Variants in MACROD2 observed in about 807,000 individuals in gnomAD.
MACROD2 encodes ADP-ribose glycohydrolase MACROD2.
A neutral mutation model predicts 70.4 loss-of-function variants in MACROD2; 36 were observed. That is an observed-to-expected ratio of 0.51 (90% CI 0.39 to 0.68). The LOEUF (loss-of-function observed/expected upper bound fraction) is 0.68, where lower values mean the gene tolerates loss of function less well. Among genes scored for constraint, MACROD2 ranks in the 30% least tolerant of loss-of-function variants. The probability of loss-of-function intolerance (pLI) is 0.00; values close to 1 mark genes in which losing one functional copy is unlikely to be tolerated. For missense variants in MACROD2, 496 were observed against 538.4 expected (o/e 0.92, Z 0.78); for synonymous variants, 172 against 178.8 (o/e 0.96, Z 0.30).
intron 6 of MACROD2, among the ~76,000 whole-genome samples, chr20:15,358,947 G>A (rs1296469775): frequency 6.6e-6 from 1 of 152,050 alleles, no homozygotes; most frequent in Admixed American, 6.6e-5. Flanking sequence ...TATGAATTTT[G>A]GGGTGACACA....
At chr20:15,587,252 C>T (rs2048615412) in intron 8 of MACROD2, among the ~76,000 whole-genome samples, 1 of 152,164 alleles carries the variant, frequency 6.6e-6, no homozygotes. Context: ...GTGAGACTTA[C>T]TCCCTATCAT....
intron 5 of MACROD2, among the ~76,000 whole-genome samples, chr20:14,915,959 A>G (rs1213845706): frequency 6.6e-6 from 1 of 152,158 alleles, no homozygotes; most frequent in Admixed American, 6.5e-5. Context: ...TATTTTCAGA[A>G]AGGGAAAAAA....
chr20:15,688,676 A>G (rs1338253987), intron 8 of MACROD2, among the ~76,000 whole-genome samples: 1 of 152,234 alleles, frequency 6.6e-6, no homozygotes, highest in Non-Finnish European at 1.5e-5. Flanking sequence ...ACTTATTTTG[A>G]TGCATACAAT....
chr20:14,448,317 T>C (rs75376372), intron 3 of MACROD2, among the ~76,000 whole-genome samples: 2,450 of 152,120 alleles, frequency 0.016, 26 homozygotes, highest in Middle Eastern at 0.031. Flanking sequence ...TGTCCAGAGA[T>C]GTCATGGAGC....
At chr20:14,866,178 C>T (rs2073425676) in intron 5 of MACROD2, among the ~76,000 whole-genome samples, 1 of 152,050 alleles carries the variant, frequency 6.6e-6, no homozygotes, top group African/African-American at 2.4e-5. Flanking sequence ...TATTTTTTGA[C>T]TCAAAATTAA....
intron 3 of MACROD2, among the ~76,000 whole-genome samples, chr20:14,261,097 G>C (rs1474614689): frequency 6.6e-6 from 1 of 152,184 alleles, no homozygotes; most frequent in Admixed American, 6.5e-5. Context: ...TGGATACATA[G>C]TGAAAACAAG....
intron 7 of MACROD2, among the ~76,000 whole-genome samples, chr20:15,438,469 G>A (rs146477191): frequency 2.9e-4 from 44 of 152,244 alleles, no homozygotes; most frequent in African/African-American, 1.1e-3. Context: ...TTGGCCACAT[G>A]TATGTCTTCT....
chr20:14,754,621 C>A (rs970224533), intron 5 of MACROD2, among the ~76,000 whole-genome samples: 1 of 151,950 alleles, frequency 6.6e-6, no homozygotes, highest in Non-Finnish European at 1.5e-5. Flanking sequence ...TGGTGTGTAA[C>A]CCTTTAATTG....
intron 5 of MACROD2, among the ~76,000 whole-genome samples, chr20:15,145,839 G>A (rs1345478727): frequency 1.3e-5 from 2 of 152,034 alleles, no homozygotes; most frequent in African/African-American, 2.4e-5. Flanking sequence ...TGTTCATTAA[G>A]TGGGTTTTAA....
At chr20:15,676,882 C>A (rs2050064606) in intron 8 of MACROD2, among the ~76,000 whole-genome samples, 1 of 152,070 alleles carries the variant, frequency 6.6e-6, no homozygotes, top group Non-Finnish European at 1.5e-5. Flanking sequence ...ATAAAGAGAG[C>A]CAGTTCCTGA....
intron 8 of MACROD2, among the ~76,000 whole-genome samples, chr20:15,695,907 T>G (rs914300559): frequency 6.6e-6 from 1 of 152,218 alleles, no homozygotes; most frequent in African/African-American, 2.4e-5. Context: ...CTGGAAACTT[T>G]GCTGAATTCT....
intron 3 of MACROD2, among the ~76,000 whole-genome samples, chr20:14,358,009 T>G (rs1490166900): frequency 2.0e-5 from 3 of 152,196 alleles, no homozygotes. Flanking sequence ...ACATTCAACT[T>G]GTCTTTGCAG....
chr20:15,983,400 G>A (rs2066430223), intron 13 of MACROD2, among the ~76,000 whole-genome samples: 2 of 152,196 alleles, frequency 1.3e-5, no homozygotes, highest in Admixed American at 1.3e-4. Flanking sequence ...AGAGTGCCCA[G>A]TAAAGGTCCA....
intron 3 of MACROD2, among the ~76,000 whole-genome samples, chr20:14,274,910 G>A (rs1447264804): frequency 4.0e-5 from 6 of 150,962 alleles, no homozygotes; most frequent in African/African-American, 1.5e-4. Context: ...GCTTCAAAGA[G>A]TATAAAATAC....
At chr20:14,481,473 A>G (rs909132564) in intron 3 of MACROD2, among the ~76,000 whole-genome samples, 3 of 152,150 alleles carry the variant, frequency 2.0e-5, no homozygotes, top group Non-Finnish European at 4.4e-5. Context: ...TGGGAAAGGT[A>G]TGGCGAAATA....
At chr20:15,667,631 C>T (rs2049919129) in intron 8 of MACROD2, among the ~76,000 whole-genome samples, 1 of 151,964 alleles carries the variant, frequency 6.6e-6, no homozygotes, top group Non-Finnish European at 1.5e-5. Flanking sequence ...ATTATTATAC[C>T]CCCAAAATGG....
intron 6 of MACROD2, among the ~76,000 whole-genome samples, chr20:15,378,927 C>T (rs908693246): frequency 6.6e-6 from 1 of 152,142 alleles, no homozygotes; most frequent in Non-Finnish European, 1.5e-5. Context: ...ACTCTCGTTT[C>T]ATGGTGCTTA....
At chr20:14,507,876 G>A (rs1321829656) in intron 4 of MACROD2, among the ~76,000 whole-genome samples, 5 of 152,246 alleles carry the variant, frequency 3.3e-5, no homozygotes, top group African/African-American at 1.2e-4. Context: ...AATCAGCTCA[G>A]GGGCTTGCCT....
intron 5 of MACROD2, among the ~76,000 whole-genome samples, chr20:15,212,836 A>C (rs1427908065): frequency 6.6e-6 from 1 of 152,226 alleles, no homozygotes; most frequent in Non-Finnish European, 1.5e-5. Context: ...CAGCATCAGC[A>C]GCATCTGGGA....
Sources: gnomAD v4.1 joint callset for allele counts (sites outside exome capture counted in the v4.1 genomes callset) on GRCh38, gnomAD v4.1.1 for gene constraint, MANE v1.5 for transcripts, NCBI Gene and HGNC (gene_info 2026-07-23, HGNC 2026-07-21) for gene names.